Variants in RIF1 observed in about 807,000 individuals in gnomAD.
RIF1 encodes telomere-associated protein RIF1.
In RIF1, 45 loss-of-function variants were observed where a neutral mutation model predicts 247.1. The observed-to-expected ratio is 0.18, with a 90% CI of 0.14 to 0.23. The LOEUF (loss-of-function observed/expected upper bound fraction) is 0.23, where lower values mean the gene tolerates loss of function less well. Ranked by LOEUF, RIF1 falls within the 10% of genes least tolerant of loss-of-function variation. RIF1 has a pLI of 1.00. For missense variants in RIF1, 2,967 were observed against 2,862.5 expected, an observed-to-expected ratio of 1.04 and a Z score of -0.83; for synonymous variants, 1,087 against 978.8, an observed-to-expected ratio of 1.11 and a Z score of -2.06.
At chr2:151,455,329 TGA>T (rs1408239396) in intron 22 of RIF1, among the ~76,000 whole-genome samples, 170 bp downstream of exon 22, 3 of 152,318 alleles carry the variant, frequency 2.0e-5, no homozygotes, top group African/African-American at 7.2e-5. Context: ...TATAGAAATA[TGA>T]GAGAGAAATT....
intron 10 of RIF1, among the ~76,000 whole-genome samples, chr2:151,495,852 A>G (rs2059819568): frequency 6.6e-6 from 1 of 152,196 alleles, no homozygotes. Context: ...TCTTTGTCCA[A>G]ATCTGACAGG....
rs1183912522 is a variant in RIF1 at position 151,450,221 on chromosome 2, T to A, written c.2245-1385T>A. On this transcript the variant is annotated intron_variant, in intron 20 of 35. Transcript: ENST00000444746. ...TTGTAATTTGAGAATTTTTTATGGA[T>A]ATGTGTTGCTATTTTATCATTAATT... 2.6e-5 allele frequency among the ~76,000 whole-genome samples: 4 copies of A among 152,076 alleles called. No individual in the cohort carries two copies. The South Asian group carries it at 8.3e-4, about 31-fold the overall frequency.
intron 22 of RIF1, 120 bp downstream of exon 22, chr2:151,455,279 A>G: frequency 3.2e-6 from 2 of 633,084 alleles, no homozygotes; most frequent in East Asian, 2.9e-5. Flanking sequence ...TGTGGAGAGG[A>G]TAATAAACTA....
At chr2:151,514,957 T>TA in the RIF1 span, 361 of 1,401,624 alleles carry the variant, frequency 2.6e-4, no homozygotes, top group East Asian at 9.0e-4. Flanking sequence ...AAAGACAAGT[T>TA]AAAAAAAAAT....
At chr2:151,511,143 G>A (rs1459681491), downstream of RIF1, among the ~76,000 whole-genome samples, 2 of 152,216 alleles carry the variant, frequency 1.3e-5, no homozygotes, top group African/African-American at 4.8e-5. Flanking sequence ...AGTGTCAAAA[G>A]CAGAAGGTAA....
chr2:151,503,023 T>A, intron 11 of RIF1: 1 of 615,684 alleles, frequency 1.6e-6, no homozygotes, highest in Non-Finnish European at 2.8e-6. Flanking sequence ...ATGTTTTTAC[T>A]TTTTTCACAG....
chr2:151,414,286 CAA>C (rs67760163), intron 3 of RIF1, among the ~76,000 whole-genome samples: 3 of 145,220 alleles, frequency 2.1e-5, no homozygotes, highest in Non-Finnish European at 3.0e-5. Context: ...AACTCTGTCT[CAA>C]AAAAAAAAAA....
At chr2:151,497,665 C>T in intron 10 of RIF1, 1 of 1,585,756 alleles carries the variant, frequency 6.3e-7, no homozygotes. Context: ...CTCTTTCCAT[C>T]TCGGGAGTGA....
At chr2:151,483,574 A>G (rs2049271035), downstream of RIF1, among the ~76,000 whole-genome samples, 1 of 152,148 alleles carries the variant, frequency 6.6e-6, no homozygotes, top group Admixed American at 6.5e-5. Context: ...TCCATGGGGT[A>G]TTGGTTTCAG....
At chr2:151,474,159 CA>C (rs2048794756) in intron 35 of RIF1, 87 bp downstream of exon 35, 1 of 718,366 alleles carries the variant, frequency 1.4e-6, no homozygotes, top group East Asian at 2.6e-5. Flanking sequence ...CTGATTTGAC[CA>C]TGCCTTATTT....
the RIF1 span, chr2:151,519,883 A>G: frequency 4.5e-6 from 3 of 671,308 alleles, no homozygotes; most frequent in South Asian, 5.5e-5. Flanking sequence ...GTGATCATAT[A>G]ATCTATTATC....
intron 7 of RIF1, 61 bp from the exon 8 acceptor site, chr2:151,422,888 CT>C (rs558670108): frequency 9.3e-6 from 8 of 856,562 alleles, no homozygotes; most frequent in Non-Finnish European, 1.2e-5. Flanking sequence ...TATTCCTAGA[CT>C]TTGGTATTGG....
At chr2:151,521,738 T>A in the RIF1 span, among the ~76,000 whole-genome samples, 1 of 152,226 alleles carries the variant, frequency 6.6e-6, no homozygotes, top group Admixed American at 6.5e-5. Flanking sequence ...TCTGTTAATT[T>A]CAAGTTAACT....
chr2:151,523,051 C>T, the RIF1 span, among the ~76,000 whole-genome samples: 1 of 152,136 alleles, frequency 6.6e-6, no homozygotes, highest in South Asian at 2.1e-4. Flanking sequence ...ATAAAGTTTT[C>T]AAAATTTCAA....
rs1696307152 is a variant in RIF1, at chr2:151,462,274, A to T, written c.3260A>T (p.Asp1087Val). Residue 1087 changes from aspartate to valine, a missense_variant, in exon 28 of 36, where the codon GAT becomes GTT. By Grantham distance (152) the Asp-to-Val change is radical (BLOSUM62 -3). This residue lies in a region of RIF1 where 2,028 missense variants were observed against 1,825.6 expected (regional missense o/e 1.11). Transcript: ENST00000444746. ...ATTCCTGCCATGTATAATAATCTGG[A>T]TGTTTCCCAAGATACCTTATTTACT... is the stretch of plus-strand genomic sequence containing the variant. ...CDIPAMYNNLDVSQDTLFTQY... is the reference protein window; with the variant it reads ...CDIPAMYNNLVVSQDTLFTQY... 6.3e-7 allele frequency: 1 copy of T among 1,590,214 alleles called. No individual in the cohort carries two copies.
chr2:151,524,654 CTTTTTTTTT>C, the RIF1 span: 32 of 257,346 alleles, frequency 1.2e-4, no homozygotes, highest in South Asian at 1.8e-4. Flanking sequence ...AAGAGAGAGG[CTTTTTTTTT>C]TTTTTTTTTT....
rs187513034 is a variant in RIF1 at position 151,452,196 on chromosome 2, A to C, written c.2344+491A>C. Among the ~76,000 whole-genome samples the C allele has an allele frequency of 5.4e-4, 83 of 152,330 alleles. 1 individual carries two copies. The highest frequency in any genetic ancestry group is 1.7e-3 in the African/African-American group (72 of 41,584). On this transcript the variant is annotated intron_variant, in intron 21 of 35. Coordinates refer to ENST00000444746, the MANE Select transcript of RIF1 (RefSeq NM_018151.5). Reference sequence around the variant, plus strand: ...GTTTAACTCATCGTTTACCTGAAACATGGTAATTAAATGATTAAAATTGGA... The same window carrying C: ...GTTTAACTCATCGTTTACCTGAAACCTGGTAATTAAATGATTAAAATTGGA...
rs1696508618 is a variant in RIF1 at position 151,463,614 on chromosome 2, C to G, written c.4094C>G (p.Ala1365Gly). The G allele has an allele frequency of 6.2e-7, 1 of 1,613,474 alleles. No individual in the cohort carries two copies. The highest frequency in any genetic ancestry group is 1.3e-5 in the African/African-American group (1 of 74,900). The part of the protein sequence containing the change: ...TKLKAATVEN[A>G]VLLETNTVEE... ...CTTAAAGCAGCAACAGTGGAAAATG[C>G]TGTATTATTGGAAACTAATACTGTA... is the stretch of plus-strand genomic sequence containing the variant. The change falls in exon 30 of 36, where the codon GCT (alanine) becomes GGT (glycine). Residue 1365 changes from alanine to glycine, a missense_variant. Ala to Gly is a moderately conservative substitution (Grantham distance 60). Coordinates refer to ENST00000444746, the MANE Select transcript of RIF1 (RefSeq NM_018151.5).
chr2:151,465,129 A>T lies in RIF1; in HGVS notation c.5609A>T (p.Lys1870Ile). 6.2e-7 allele frequency: 1 copy of T among 1,611,920 alleles called. No individual in the cohort carries two copies. The highest frequency in any genetic ancestry group is 8.5e-7 in the Non-Finnish European group (1 of 1,179,758). ...KTVGPCLGDSKNVSQESLETK... is the reference protein window; with the variant it reads ...KTVGPCLGDSINVSQESLETK... The stretch of plus-strand genomic sequence containing the variant: ...GTTGGCCCGTGTTTAGGAGACTCGA[A>T]AAATGTTTCACAGGAATCTTTGGAG... The change falls in exon 30 of 36, where the codon AAA becomes ATA. Residue 1870 changes from lysine to isoleucine, a missense_variant. Lys to Ile is a moderately radical substitution (Grantham distance 102). Coordinates refer to ENST00000444746, the MANE Select transcript of RIF1 (RefSeq NM_018151.5).
Sources: gnomAD v4.1 joint callset for allele counts (sites outside exome capture counted in the v4.1 genomes callset) on GRCh38, gnomAD v4.1.1 for gene constraint, gnomAD v4.1.1 regional missense constraint, MANE v1.5 for transcripts, NCBI Gene and HGNC (gene_info 2026-07-23, HGNC 2026-07-21) for gene names.